The following CCDC7 variants were observed in gnomAD, a reference collection of about 807,000 sequenced individuals.
CCDC7 encodes coiled-coil domain-containing protein 7.
CCDC7 carries 183 observed loss-of-function variants against 196.9 expected under a neutral mutation model. The ratio of observed to expected loss-of-function variants is 0.93; its 90% CI spans 0.82 to 1.05. CCDC7 has a LOEUF of 1.05. Ranked by LOEUF, CCDC7 falls within the 50% of genes least tolerant of loss-of-function variation. The pLI is 0.00. For missense variants in CCDC7, 1,540 were observed against 1,482.2 expected, an observed-to-expected ratio of 1.04 and a Z score of -0.64; for synonymous variants, 525 against 484.6, an observed-to-expected ratio of 1.08 and a Z score of -1.10.
intron 18 of CCDC7, among the ~76,000 whole-genome samples, chr10:32,594,404 C>A (rs555704342): frequency 6.6e-6 from 1 of 152,136 alleles, no homozygotes; most frequent in African/African-American, 2.4e-5. Context: ...GATTTTGTAT[C>A]CTGAGACTTT....
At chr10:32,577,791 A>T (rs913192729) in intron 16 of CCDC7, among the ~76,000 whole-genome samples, 2 of 152,116 alleles carry the variant, frequency 1.3e-5, no homozygotes, top group African/African-American at 2.4e-5. Flanking sequence ...TCCCCCTTTT[A>T]ATAGAATTTT....
intron 18 of CCDC7, among the ~76,000 whole-genome samples, chr10:32,611,680 C>T (rs571786452): frequency 2.4e-4 from 37 of 152,280 alleles, no homozygotes; most frequent in South Asian, 6.2e-4. Context: ...AATAGGGAAT[C>T]CTTTCCCCAT....
At chr10:32,729,237 A>G in intron 27 of CCDC7, 95 bp from the exon 29 acceptor site, 1 of 1,248,484 alleles carries the variant, frequency 8.0e-7, no homozygotes, top group South Asian at 1.5e-5. Flanking sequence ...AAAACTATTC[A>G]CATGATTTTC....
intron 28 of CCDC7, among the ~76,000 whole-genome samples, chr10:32,741,315 CT>C (rs2085797851): frequency 6.6e-6 from 1 of 152,186 alleles, no homozygotes; most frequent in African/African-American, 2.4e-5. Flanking sequence ...AACAGATAGT[CT>C]TTTCAGTACA....
intron 8 of CCDC7, among the ~76,000 whole-genome samples, chr10:32,487,178 T>C (rs1406997956): frequency 6.6e-6 from 1 of 152,178 alleles, no homozygotes; most frequent in East Asian, 1.9e-4. Flanking sequence ...GGAGGCTTTG[T>C]TCGTTTCTTT....
chr10:32,683,180 A>T (rs1001780622), intron 21 of CCDC7, among the ~76,000 whole-genome samples: 8 of 152,146 alleles, frequency 5.3e-5, no homozygotes, highest in Admixed American at 5.2e-4. Flanking sequence ...ATGTGGTGAA[A>T]GGAAGCAGTC....
chr10:32,481,363 T>C (rs576569218), intron 8 of CCDC7, among the ~76,000 whole-genome samples: 2 of 152,326 alleles, frequency 1.3e-5, no homozygotes, highest in Admixed American at 6.5e-5. Context: ...TTTAGCTGTT[T>C]TGTAGATCCT....
chr10:32,635,261 G>A (rs537270616), intron 20 of CCDC7, 103 bp downstream of exon 21: 113 of 386,066 alleles, frequency 2.9e-4, no homozygotes, highest in Non-Finnish European at 4.7e-4. Flanking sequence ...TAATTATTTT[G>A]TGTATACTTC....
intron 28 of CCDC7, among the ~76,000 whole-genome samples, chr10:32,755,822 G>A (rs1221371730): frequency 6.6e-6 from 1 of 152,124 alleles, no homozygotes; most frequent in Non-Finnish European, 1.5e-5. Context: ...GTCAAAGGAG[G>A]ATATTCAAAC....
At chr10:32,673,483 G>A (rs769641020) in intron 21 of CCDC7, among the ~76,000 whole-genome samples, 27 of 152,052 alleles carry the variant, frequency 1.8e-4, no homozygotes, top group Non-Finnish European at 2.4e-4. Context: ...TTTGCCTTTC[G>A]AATAAGTGTA....
At chr10:32,669,261 A>T (rs1197135713) in intron 21 of CCDC7, among the ~76,000 whole-genome samples, 3 of 152,186 alleles carry the variant, frequency 2.0e-5, no homozygotes, top group African/African-American at 7.2e-5. Context: ...GATCATGGTG[A>T]ATTCTTCTTT....
chr10:32,784,727 C>T (rs1487847324), intron 29 of CCDC7, among the ~76,000 whole-genome samples: 3 of 151,962 alleles, frequency 2.0e-5, no homozygotes, highest in South Asian at 2.1e-4. Flanking sequence ...ACGTGCTGGG[C>T]GCCGTGACTC....
At chr10:32,709,865 ATCATTGACTGCTCTCACTCTCG>A (rs71030007) in intron 24 of CCDC7, among the ~76,000 whole-genome samples, 20,910 of 151,994 alleles carry the variant, frequency 0.14, 1,727 homozygotes, top group East Asian at 0.25. Flanking sequence ...TAAAAATCTT[ATCATTGACTGCTCTCACTCTCG>A]TCATTGACTG....
chr10:32,569,804 T>C (rs186996842), intron 15 of CCDC7, among the ~76,000 whole-genome samples: 1 of 152,318 alleles, frequency 6.6e-6, no homozygotes, highest in East Asian at 1.9e-4. Flanking sequence ...TTAATACTTT[T>C]GTATTATACT....
chr10:32,729,578 C>G (rs1381634651), intron 28 of CCDC7, 121 bp downstream of exon 29: 1 of 451,752 alleles, frequency 2.2e-6, no homozygotes, highest in Non-Finnish European at 3.8e-6. Context: ...CATCACACTA[C>G]CAGATCTTTA....
chr10:32,748,264 G>C (rs187515302), intron 28 of CCDC7, among the ~76,000 whole-genome samples: 2 of 152,106 alleles, frequency 1.3e-5, no homozygotes, highest in African/African-American at 4.8e-5. Flanking sequence ...GTAATATGCT[G>C]TCACTACCTG....
At chr10:32,713,971 C>G (rs995611728) in intron 25 of CCDC7, among the ~76,000 whole-genome samples, 2 of 152,224 alleles carry the variant, frequency 1.3e-5, no homozygotes, top group African/African-American at 4.8e-5. Flanking sequence ...ATCTTATCAT[C>G]TGTTCTTTTC....
At chr10:32,490,243 C>T (rs2041943188) in intron 8 of CCDC7, among the ~76,000 whole-genome samples, 1 of 152,188 alleles carries the variant, frequency 6.6e-6, no homozygotes, top group South Asian at 2.1e-4. Context: ...CCACTTTCAT[C>T]CATGGATAGC....
At chr10:32,812,879 A>G (rs2087473295) in intron 30 of CCDC7, among the ~76,000 whole-genome samples, 1 of 152,134 alleles carries the variant, frequency 6.6e-6, no homozygotes, top group African/African-American at 2.4e-5. Context: ...AAGGAAGCTA[A>G]AATACATCTG....
Sources: gnomAD v4.1 joint callset for allele counts (sites outside exome capture counted in the v4.1 genomes callset) on GRCh38, gnomAD v4.1.1 for gene constraint, MANE v1.5 for transcripts, NCBI Gene and HGNC (gene_info 2026-07-23, HGNC 2026-07-21) for gene names.